CDH17: variants seen among roughly 807,000 people sequenced by gnomAD.
CDH17 encodes cadherin 17.
CDH17 carries 67 observed loss-of-function variants against 86.3 expected under a neutral mutation model. The ratio of observed to expected loss-of-function variants is 0.78; its 90% confidence interval spans 0.64 to 0.95. The LOEUF (loss-of-function observed/expected upper bound fraction) is 0.95. Among genes scored for constraint, CDH17 ranks in the 40% least tolerant of loss-of-function variants. The probability of loss-of-function intolerance (pLI) is 0.00; values close to 1 mark genes in which losing one functional copy is unlikely to be tolerated. For synonymous variants in CDH17, 367 were observed against 366.4 expected, an observed-to-expected ratio of 1.00 and a Z score of -0.02; for missense variants, 993 against 1,017.6, an observed-to-expected ratio of 0.98 and a Z score of 0.33.
chr8:94,191,366 T>C (rs1813686236), intron 2 of CDH17, among the ~76,000 whole-genome samples: 2 of 152,148 alleles, frequency 1.3e-5, no homozygotes, highest in Non-Finnish European at 2.9e-5. Context: ...AGACTTCTTG[T>C]TATCTGAGGA....
upstream of CDH17, among the ~76,000 whole-genome samples, chr8:94,211,020 C>CAAAAAA (rs59090058): frequency 1.1e-5 from 1 of 91,908 alleles, no homozygotes; most frequent in Non-Finnish European, 2.4e-5. Flanking sequence ...GACTGCATCT[C>CAAAAAA]AAAAAAAAAA....
At chr8:94,135,162 A>G (rs1812497128) in intron 15 of CDH17, among the ~76,000 whole-genome samples, 1 of 152,156 alleles carries the variant, frequency 6.6e-6, no homozygotes, top group African/African-American at 2.4e-5. Flanking sequence ...AGTTCTGTAG[A>G]TGTCTATTAG....
intron 2 of CDH17, 86 bp downstream of exon 2, chr8:94,194,549 A>G: frequency 1.1e-6 from 1 of 872,980 alleles, no homozygotes; most frequent in East Asian, 2.4e-5. Flanking sequence ...TTAAGTAATA[A>G]TAGCCATTCT....
intron 9 of CDH17, among the ~76,000 whole-genome samples, chr8:94,169,380 C>T (rs1018793436): frequency 6.6e-6 from 1 of 152,068 alleles, no homozygotes; most frequent in African/African-American, 2.4e-5. Flanking sequence ...AACACACTGA[C>T]AAAAGGCAGC....
intron 15 of CDH17, among the ~76,000 whole-genome samples, chr8:94,134,116 C>G (rs1191359195): frequency 6.6e-6 from 1 of 152,164 alleles, no homozygotes; most frequent in East Asian, 1.9e-4. Flanking sequence ...CTAAAATTCT[C>G]TGTTTTTGTT....
intron 12 of CDH17, among the ~76,000 whole-genome samples, chr8:94,156,440 T>C (rs772710964): frequency 4.6e-5 from 7 of 152,182 alleles, no homozygotes; most frequent in Non-Finnish European, 1.0e-4. Flanking sequence ...AGGAGAGTTA[T>C]TGTTGAGCCA....
intron 14 of CDH17, among the ~76,000 whole-genome samples, chr8:94,147,724 T>G (rs1355855312): frequency 6.6e-6 from 1 of 152,176 alleles, no homozygotes; most frequent in African/African-American, 2.4e-5. Context: ...TATTTTTATT[T>G]TAAAAAAGTT....
intron 3 of CDH17, among the ~76,000 whole-genome samples, chr8:94,185,978 T>C (rs987990666): frequency 1.3e-5 from 2 of 152,118 alleles, no homozygotes; most frequent in Admixed American, 6.5e-5. Flanking sequence ...CTGTTTTTTG[T>C]TGTTGTTGTT....
At chr8:94,138,651 C>A (rs1812579053) in intron 15 of CDH17, among the ~76,000 whole-genome samples, 1 of 152,154 alleles carries the variant, frequency 6.6e-6, no homozygotes, top group Admixed American at 6.5e-5. Flanking sequence ...AGGAACTACT[C>A]AAGGCTGGGG....
intron 14 of CDH17, among the ~76,000 whole-genome samples, chr8:94,146,644 A>C (rs979860598): frequency 2.0e-5 from 3 of 152,220 alleles, no homozygotes; most frequent in Non-Finnish European, 2.9e-5. Flanking sequence ...GGAGTAAAAA[A>C]CTTGGATCTG....
intron 1 of CDH17, among the ~76,000 whole-genome samples, chr8:94,195,323 A>G (rs767445946): frequency 4.6e-5 from 7 of 152,136 alleles, no homozygotes; most frequent in Non-Finnish European, 8.8e-5. Context: ...CCTATTATAC[A>G]GATGGAGAAG....
intron 2 of CDH17, among the ~76,000 whole-genome samples, chr8:94,193,952 A>G (rs1441147217): frequency 2.8e-5 from 4 of 143,618 alleles, no homozygotes; most frequent in South Asian, 2.3e-4. Context: ...AAAAAAAAAA[A>G]AGAGAGCAAA....
chr8:94,213,007 T>C (rs1344661367), upstream of CDH17, among the ~76,000 whole-genome samples: 2 of 152,242 alleles, frequency 1.3e-5, no homozygotes, highest in Non-Finnish European at 2.9e-5. Context: ...CCTGGGTCCC[T>C]TGCTCTGTTG....
At chr8:94,143,079 G>A (rs1033314838) in intron 15 of CDH17, among the ~76,000 whole-genome samples, 2 of 152,126 alleles carry the variant, frequency 1.3e-5, no homozygotes, top group Admixed American at 1.3e-4. Context: ...TCCATCAGAG[G>A]AATTACTATC....
chr8:94,161,391 A>G (rs1182273836), intron 11 of CDH17, among the ~76,000 whole-genome samples: 1 of 152,174 alleles, frequency 6.6e-6, no homozygotes, highest in Non-Finnish European at 1.5e-5. Context: ...GGGCTGCCTC[A>G]TAACTGACTT....
chr8:94,156,199 C>G (rs917103442), intron 12 of CDH17, among the ~76,000 whole-genome samples: 6 of 152,170 alleles, frequency 3.9e-5, no homozygotes, highest in Admixed American at 2.0e-4. Context: ...TAGATTCAAC[C>G]TGGAGGCAAA....
chr8:94,197,196 CG>C (rs778886829), intron 1 of CDH17: 1 of 152,108 alleles, frequency 6.6e-6, no homozygotes, highest in South Asian at 2.1e-4. Flanking sequence ...TTGATGACCT[CG>C]GGTATTTATC....
intron 7 of CDH17, among the ~76,000 whole-genome samples, chr8:94,171,790 C>T (rs1813274015): frequency 6.6e-6 from 1 of 152,176 alleles, no homozygotes; most frequent in Non-Finnish European, 1.5e-5. Context: ...GGTCCTACTG[C>T]TAGTTGAAAT....
intron 8 of CDH17, 107 bp downstream of exon 8, chr8:94,170,747 G>A: frequency 2.1e-6 from 3 of 1,411,904 alleles, no homozygotes; most frequent in South Asian, 1.4e-5. Context: ...GCTGGAGTCT[G>A]AAATGTGTGT....
Sources: gnomAD v4.1 joint callset for allele counts (sites outside exome capture counted in the v4.1 genomes callset) on GRCh38, gnomAD v4.1.1 for gene constraint, MANE v1.5 for transcripts, NCBI Gene and HGNC (gene_info 2026-07-23, HGNC 2026-07-21) for gene names.